The following ERN2 variants were observed in gnomAD, a reference collection of about 807,000 sequenced individuals.
ERN2 encodes serine/threonine-protein kinase/endoribonuclease IRE2.
Under a neutral mutation model 107.9 loss-of-function variants are expected in ERN2, and 111 were observed. The ratio of observed to expected loss-of-function variants is 1.03; its 90% CI spans 0.88 to 1.20. The LOEUF is 1.20. ERN2 is among the 50% of genes most tolerant of loss of function. The probability of loss-of-function intolerance (pLI) is 0.00; values close to 1 mark genes in which losing one functional copy is unlikely to be tolerated. For synonymous variants in ERN2, 524 were observed against 501.7 expected, an observed-to-expected ratio of 1.04 and a Z score of -0.59; for missense variants, 1,225 against 1,197.9, an observed-to-expected ratio of 1.02 and a Z score of -0.33.
At chr16:23,706,063 G>A (rs780023157) in intron 7 of ERN2, among the ~76,000 whole-genome samples, 65 of 152,290 alleles carry the variant, frequency 4.3e-4, no homozygotes, top group Middle Eastern at 6.8e-3. Flanking sequence ...CTGGATGTGG[G>A]AAGTCATCCA....
rs1304343376 is a variant in ERN2 at position 23,692,044 on chromosome 16, C to T, written c.2295G>A (p.Leu765=). ...GGGGGGCAGAGGGGCGTGGCTGCGG[C>T]AGTGGGCTCAACATGGCTCCAACCA... ...RDLVGAMLSP[L]PQPRPSAPQV... is the part of the protein sequence containing the mutation. The change falls in exon 19 of 22, where the codon CTG becomes CTA. Residue 765 remains leucine, a synonymous_variant. Coordinates refer to ENST00000256797, the MANE Select transcript of ERN2 (RefSeq NM_033266.4). The T allele has an allele frequency of 1.2e-6, 2 of 1,613,894 alleles. No homozygotes were observed. The highest frequency in any genetic ancestry group is 2.2e-5 in the South Asian group (2 of 91,090).
Position 23,702,690 on chromosome 16 carries a change from A to G in ERN2, c.867T>C (p.Tyr289=). ...AGAAGCCAGTTTCATCCTTCCCCAC[A>G]TACAGCGTCATTCTAGTGGGAGAGA... ...TLDTQLLMTL[Y]VGKDETGFYV... is the part of the protein sequence containing the mutation. The change falls in exon 9 of 22, where the codon TAT becomes TAC. Residue 289 remains tyrosine (Y), a synonymous_variant. Transcript: ENST00000256797. 1.2e-6 allele frequency: 2 copies of G among 1,613,584 alleles called. No homozygotes were observed. The highest frequency in any genetic ancestry group is 1.7e-5 in the Admixed American group (1 of 60,024).
rs1959617088 is a variant in ERN2 at position 23,692,032 on chromosome 16, G to C, written c.2307C>G (p.Arg769=). 1.2e-6 allele frequency: 2 copies of C among 1,613,822 alleles called. No homozygotes were observed. The highest frequency in any genetic ancestry group is 2.7e-5 in the African/African-American group (2 of 74,934). The change falls in exon 19 of 22, where the codon CGC becomes CGG. Residue 769 remains arginine, a synonymous_variant. Transcript: ENST00000256797. The stretch of plus-strand genomic sequence containing the variant: ...GGGCCAGCACCTGGGGGGCAGAGGG[G>C]CGTGGCTGCGGCAGTGGGCTCAACA... ...GAMLSPLPQP[R]PSAPQVLAHP...
rs766364432 is a variant in ERN2, at chr16:23,695,282, T to G, written c.1718A>C (p.Asn573Thr). The G allele has an allele frequency of 6.2e-7, 1 of 1,614,056 alleles. No homozygotes were observed. ...QLLQESDRHP[N>T]VLRYFCTERG... ...CTCGGTGCAGAAGTAGCGGAGCACG[T>G]TGGGGTGCCTGTCAGACTCCTGCAG... Residue 573 changes from asparagine (N) to threonine (T), a missense_variant, in exon 15 of 22, where the codon AAC becomes ACC. Asn to Thr is a moderately conservative substitution (Grantham distance 65). Transcript: ENST00000256797.
chr16:23,695,875 G>A lies in ERN2; in HGVS notation c.1610+19C>T. ...CTGTGAGTGCCATGTCCCCAGCTTG[G>A]CTCCTGGCTGCCACTCACCGGAAAA... is the stretch of plus-strand genomic sequence containing the variant. On this transcript the variant is annotated intron_variant, in intron 14 of 21. Coordinates refer to ENST00000256797, the MANE Select transcript of ERN2 (RefSeq NM_033266.4). 6.2e-7 allele frequency: 1 copy of A among 1,605,202 alleles called. No individual in the cohort carries two copies. The highest frequency in any genetic ancestry group is 8.5e-7 in the Non-Finnish European group (1 of 1,172,222).
chr16:23,707,963 T>A (rs1029074586), intron 4 of ERN2, among the ~76,000 whole-genome samples: 2 of 152,218 alleles, frequency 1.3e-5, no homozygotes, highest in African/African-American at 4.8e-5. Flanking sequence ...GTCTGGGTTA[T>A]GTCTGTGGGC....
Position 23,707,006 on chromosome 16 carries a change from C to T in ERN2, c.379+1G>A. 6.2e-7 allele frequency: 1 copy of T among 1,613,666 alleles called. No individual in the cohort carries two copies. The highest frequency in any genetic ancestry group is 8.5e-7 in the Non-Finnish European group (1 of 1,179,564). On this transcript the variant is annotated splice_donor_variant, in intron 5 of 21. Coordinates refer to ENST00000256797, the MANE Select transcript of ERN2 (RefSeq NM_033266.4). LOFTEE classifies it high-confidence loss of function. ...ACCCCACAGGCTGAAGAGATGCTCA[C>T]CTGTGTAGAAGACCCCATCAGAGCT...
chr16:23,704,333 G>T (rs561376106), intron 8 of ERN2, among the ~76,000 whole-genome samples: 3 of 152,318 alleles, frequency 2.0e-5, no homozygotes, highest in African/African-American at 7.2e-5. Flanking sequence ...TCCATGGGTT[G>T]TGGTAGGGAC....
intron 4 of ERN2, chr16:23,709,057 C>A: frequency 2.5e-6 from 1 of 397,674 alleles, no homozygotes; most frequent in South Asian, 1.8e-5. Flanking sequence ...CTGATTGACA[C>A]ACTAAAATTT....
chr16:23,694,233 G>C (rs1959710782), intron 17 of ERN2, among the ~76,000 whole-genome samples: 1 of 152,184 alleles, frequency 6.6e-6, no homozygotes, highest in South Asian at 2.1e-4. Flanking sequence ...CTGAGCTCAA[G>C]CAATCTGCCT....
intron 13 of ERN2, chr16:23,696,814 G>A (rs149739359): frequency 3.3e-5 from 5 of 152,236 alleles, no homozygotes; most frequent in Admixed American, 6.5e-5. Context: ...TGTGCAGTGC[G>A]GTGGTCCTGA....
rs778909940 is a variant in ERN2 at position 23,692,217 on chromosome 16, G to A, written c.2215C>T (p.Pro739Ser). 1 of 1,614,156 alleles carries A rather than the reference G, an allele frequency of 6.2e-7. No homozygotes were observed. The highest frequency in any genetic ancestry group is 1.1e-5 in the South Asian group (1 of 91,084). ...TCTTCCTCCAGGTGAGCCAGACAGG[G>A]AGCCCCTGTGAGGATGTTTGCCTGG... is the stretch of plus-strand genomic sequence containing the variant. ...YRQANILTGA[P>S]CLAHLEEEVH... The change falls in exon 18 of 22, where the codon CCC becomes TCC. Residue 739 changes from proline to serine, a missense_variant. By Grantham distance (74) the Pro-to-Ser change is moderately conservative (BLOSUM62 -1). Transcript: ENST00000256797.
chr16:23,695,014 G>A lies in ERN2; in HGVS notation c.1900+5C>T. ...GGGAGCGGGAGGCAGGGGAAGTGCG[G>A]GTACCTATGTGTAAAGAGTGCAGGT... On this transcript the variant is annotated splice_donor_5th_base_variant and intron_variant, in intron 16 of 21. Transcript: ENST00000256797. The A allele has an allele frequency of 6.2e-7, 1 of 1,613,114 alleles. No homozygotes were observed. The highest frequency in any genetic ancestry group is 8.5e-7 in the Non-Finnish European group (1 of 1,179,464).
chr16:23,700,486 G>GC (rs1371943512), intron 13 of ERN2, 53 bp downstream of exon 13: 11 of 1,535,148 alleles, frequency 7.2e-6, no homozygotes, highest in East Asian at 2.3e-5. Flanking sequence ...AGCTAAATCT[G>GC]CCCCTGGCTT....
intron 4 of ERN2, among the ~76,000 whole-genome samples, chr16:23,708,705 G>A (rs1324496146): frequency 5.3e-5 from 8 of 152,214 alleles, no homozygotes; most frequent in Non-Finnish European, 1.5e-5. Flanking sequence ...TTGTTTAAAA[G>A]TGGGTGGCAC....
Position 23,691,975 on chromosome 16 carries a change from G to T in ERN2, c.2364C>A (p.Leu788=). The T allele has an allele frequency of 6.2e-7, 1 of 1,612,916 alleles. No individual in the cohort carries two copies. The highest frequency in any genetic ancestry group is 8.5e-7 in the Non-Finnish European group (1 of 1,179,646). The change falls in exon 19 of 22, where the codon CTC becomes CTA. Residue 788 remains leucine (L), a synonymous_variant. Transcript: ENST00000256797. The part of the protein sequence containing the change: ...HPFFWSRAKQ[L]QFFQDVSDWL... ...CTTTCCTTCTGACCTGGAAGAACTG[G>T]AGTTGCTTGGCTCTGCTCCAAAAGA...
At chr16:23,697,420 C>G (rs1959874702) in intron 13 of ERN2, 1 of 152,130 alleles carries the variant, frequency 6.6e-6, no homozygotes, top group African/African-American at 2.4e-5. Flanking sequence ...GATCAGAGAG[C>G]AGGGACAGAG....
In ERN2 at chr16:23,708,905, A is replaced by AT. The variant is rs201198326; in HGVS notation, c.306+1266dup. On this transcript the variant is annotated intron_variant, in intron 4 of 21. Transcript: ENST00000256797. ...TCTTATAAATTACCCAGTCTGAGGTATTTTTTTATTATAACAATGCAAGAA... is the reference window on the plus strand; with the variant it reads ...TCTTATAAATTACCCAGTCTGAGGTATTTTTTTTATTATAACAATGCAAGAA... Among the ~76,000 whole-genome samples the AT allele has an allele frequency of 8.6e-3, 1,315 of 152,232 alleles. 16 individuals carry two copies. The highest frequency in any genetic ancestry group is 0.029 in the African/African-American group (1,223 of 41,536).
chr16:23,707,214 G>A, intron 4 of ERN2, 135 bp from the exon 5 acceptor site: 2 of 686,780 alleles, frequency 2.9e-6, no homozygotes, highest in South Asian at 1.7e-5. Flanking sequence ...AGGAAACTGG[G>A]GCTTGGAGAG....
Sources: gnomAD v4.1 joint callset for allele counts (sites outside exome capture counted in the v4.1 genomes callset) on GRCh38, gnomAD v4.1.1 for gene constraint, MANE v1.5 for transcripts, NCBI Gene and HGNC (gene_info 2026-07-23, HGNC 2026-07-21) for gene names.